The following GABBR2 variants were observed in gnomAD, a reference collection of about 807,000 sequenced individuals.
GABBR2 encodes gamma-aminobutyric acid type B receptor subunit 2, also known as G-protein coupled receptor 51.
GABBR2 carries 23 observed loss-of-function variants against 105.6 expected under a neutral mutation model. The ratio of observed to expected loss-of-function variants is 0.22; its 90% CI spans 0.16 to 0.31. The LOEUF is 0.31. GABBR2 is among the 10% of genes least tolerant of loss of function. The pLI is 1.00. For missense variants in GABBR2, 734 were observed against 1,245.5 expected (o/e 0.59, Z 6.18); for synonymous variants, 478 against 499.7 (o/e 0.96, Z 0.58).
chr9:98,343,485 A>C (rs1264880402), intron 13 of GABBR2, among the ~76,000 whole-genome samples: 1 of 152,160 alleles, frequency 6.6e-6, no homozygotes, highest in African/African-American at 2.4e-5. Context: ...AAAAATGAAC[A>C]ACCCTCCACC....
intron 1 of GABBR2, among the ~76,000 whole-genome samples, chr9:98,596,513 C>T (rs902422971): frequency 1.3e-5 from 2 of 152,158 alleles, no homozygotes; most frequent in Non-Finnish European, 2.9e-5. Flanking sequence ...TCTGGTCCCT[C>T]CTGAGGAAAT....
chr9:98,421,241 T>C (rs1832777951), intron 7 of GABBR2, among the ~76,000 whole-genome samples: 1 of 152,252 alleles, frequency 6.6e-6, no homozygotes, highest in African/African-American at 2.4e-5. Context: ...CACATCATTT[T>C]GATGACATCG....
intron 8 of GABBR2, among the ~76,000 whole-genome samples, chr9:98,397,867 T>C (rs1832321989): frequency 6.6e-6 from 1 of 152,172 alleles, no homozygotes; most frequent in Admixed American, 6.5e-5. Flanking sequence ...TAGCCTTGCT[T>C]CTGTTGTCCC....
intron 7 of GABBR2, among the ~76,000 whole-genome samples, chr9:98,436,354 T>TCC (rs1825916809): frequency 1.4e-3 from 3 of 2,216 alleles, no homozygotes; most frequent in Admixed American, 3.8e-3. Flanking sequence ...ACACCATATA[T>TCC]ATATATATAT....
chr9:98,572,798 T>C (rs1274722539), intron 2 of GABBR2, among the ~76,000 whole-genome samples: 1 of 152,208 alleles, frequency 6.6e-6, no homozygotes, highest in Non-Finnish European at 1.5e-5. Flanking sequence ...TGGGCTCATC[T>C]ACCATTCTGC....
intron 4 of GABBR2, among the ~76,000 whole-genome samples, chr9:98,481,698 G>A (rs1204859777): frequency 6.6e-6 from 1 of 152,184 alleles, no homozygotes; most frequent in Non-Finnish European, 1.5e-5. Flanking sequence ...TTCCTTACCG[G>A]ATTTCTGGGA....
intron 13 of GABBR2, among the ~76,000 whole-genome samples, chr9:98,344,287 C>T (rs553569372): frequency 1.1e-4 from 17 of 152,298 alleles, no homozygotes; most frequent in East Asian, 1.9e-4. Flanking sequence ...ACCTACTCAC[C>T]GTCACCACAA....
rs1397717515 is a variant in GABBR2 at position 98,289,997 on chromosome 9, G to A, written c.*587C>T. The A allele has an allele frequency of 1.3e-5, 2 of 152,326 alleles. No homozygotes were observed. The highest frequency in any genetic ancestry group is 1.9e-4 in the East Asian group (1 of 5,192). 9.4% of individuals were successfully genotyped at this position (152,326 alleles called of 1,614,324 possible). A position where few individuals can be genotyped will look rare whatever the true frequency, so the allele number is the denominator to read the frequency against. On this transcript the variant is annotated 3_prime_UTR_variant, in exon 19 of 19. Coordinates refer to ENST00000259455, the MANE Select transcript of GABBR2 (RefSeq NM_005458.8). Reference sequence around the variant, plus strand: ...AGCCTGCTCCAGTGCCGCAGCCCTCGGCCTGCCTGCTCCAGGGCTGTGCCT... The same window carrying A: ...AGCCTGCTCCAGTGCCGCAGCCCTCAGCCTGCCTGCTCCAGGGCTGTGCCT...
chr9:98,403,161 G>T (rs1832425058), intron 8 of GABBR2, among the ~76,000 whole-genome samples: 1 of 151,976 alleles, frequency 6.6e-6, no homozygotes, highest in Non-Finnish European at 1.5e-5. Context: ...GGGCATGGTG[G>T]CACGAGCCTG....
Position 98,411,003 on chromosome 9 carries a change from C to A in GABBR2, c.1237-4862G>T, listed in dbSNP as rs573104508. The stretch of plus-strand genomic sequence containing the variant: ...TGTATGAAATCTCCCTCTGAAATGA[C>A]TGAAGTGGTTTGTGTTTTCTCCACT... On this transcript the variant is annotated intron_variant, in intron 7 of 18. Transcript: ENST00000259455. Among the ~76,000 whole-genome samples the A allele has an allele frequency of 5.9e-5, 9 of 152,230 alleles. 1 individual carries two copies. The highest frequency in any genetic ancestry group is 2.2e-4 in the African/African-American group (9 of 41,524).
intron 4 of GABBR2, among the ~76,000 whole-genome samples, chr9:98,485,015 T>C (rs959626368): frequency 6.6e-6 from 1 of 152,100 alleles, no homozygotes; most frequent in Admixed American, 6.5e-5. Context: ...GGGGCAGCCA[T>C]AACCATCCCT....
Position 98,708,802 on chromosome 9 carries a change from C to A in GABBR2, c.-65G>T. ...CATGGCCTGGCCCGGCCCGCCGCCC[C>A]GCGCCAAGGTCTTCCCGCGGCGCCC... On this transcript the variant is annotated 5_prime_UTR_variant, in exon 1 of 19. Coordinates refer to ENST00000259455, the MANE Select transcript of GABBR2 (RefSeq NM_005458.8). 1 of 949,370 alleles carries A rather than the reference C, an allele frequency of 1.1e-6. No homozygotes were observed. The highest frequency in any genetic ancestry group is 4.7e-5 in the South Asian group (1 of 21,170). 58.8% of individuals were successfully genotyped at this position (949,370 alleles called of 1,614,324 possible). A position where few individuals can be genotyped will look rare whatever the true frequency, so the allele number is the denominator to read the frequency against.
At chr9:98,580,654 G>A (rs1397291017) in intron 1 of GABBR2, among the ~76,000 whole-genome samples, 2 of 152,258 alleles carry the variant, frequency 1.3e-5, no homozygotes, top group African/African-American at 2.4e-5. Context: ...CAGGCATGGT[G>A]GCATGCACCT....
chr9:98,340,367 T>C (rs1172684962), intron 13 of GABBR2, among the ~76,000 whole-genome samples: 1 of 152,064 alleles, frequency 6.6e-6, no homozygotes, highest in Non-Finnish European at 1.5e-5. Flanking sequence ...TGGAGGCAAA[T>C]GTCATCAAGA....
At chr9:98,563,391 G>A (rs1264854332) in intron 2 of GABBR2, among the ~76,000 whole-genome samples, 1 of 152,194 alleles carries the variant, frequency 6.6e-6, no homozygotes, top group Non-Finnish European at 1.5e-5. Context: ...TGAGCATGCT[G>A]TGGGCAGCGA....
intron 1 of GABBR2, among the ~76,000 whole-genome samples, chr9:98,620,990 G>A (rs916676895): frequency 6.6e-6 from 1 of 152,158 alleles, no homozygotes; most frequent in Non-Finnish European, 1.5e-5. Context: ...GGCAGGCACA[G>A]CAATGGCTCA....
chr9:98,384,437 A>C (rs1459573880), intron 11 of GABBR2, among the ~76,000 whole-genome samples: 1 of 152,172 alleles, frequency 6.6e-6, no homozygotes, highest in Non-Finnish European at 1.5e-5. Flanking sequence ...CTAAAAATAT[A>C]AAATTAGCTG....
intron 13 of GABBR2, among the ~76,000 whole-genome samples, chr9:98,346,271 C>A (rs1350143041): frequency 6.6e-6 from 1 of 152,248 alleles, no homozygotes; most frequent in Non-Finnish European, 1.5e-5. Context: ...TCCTCTCAAA[C>A]CCTGCTGCTT....
At chr9:98,648,112 T>TAGATAGATA (rs1290908248) in intron 1 of GABBR2, among the ~76,000 whole-genome samples, 67 of 49,868 alleles carry the variant, frequency 1.3e-3, no homozygotes, top group African/African-American at 4.1e-3. Flanking sequence ...TGTGTGTGTG[T>TAGATAGATA]GTGTATAGAT....
Sources: gnomAD v4.1 joint callset for allele counts (sites outside exome capture counted in the v4.1 genomes callset) on GRCh38, gnomAD v4.1.1 for gene constraint, MANE v1.5 for transcripts, NCBI Gene and HGNC (gene_info 2026-07-23, HGNC 2026-07-21) for gene names.